RRAS2: variants seen among roughly 807,000 people sequenced by gnomAD.
RRAS2 encodes the protein ras-related protein R-Ras2.
A neutral mutation model predicts 27.6 loss-of-function variants in RRAS2; 7 were observed. The ratio of observed to expected loss-of-function variants is 0.25; its 90% CI spans 0.14 to 0.48. The LOEUF is 0.48. RRAS2 is among the 20% of genes least tolerant of loss of function. RRAS2 has a pLI of 0.99. For synonymous variants in RRAS2, 86 were observed against 90.9 expected (o/e 0.95, Z 0.31); for missense variants, 178 against 256.2 (o/e 0.69, Z 2.08).
At chr11:14,309,133 G>A (rs1847899541) in intron 1 of RRAS2, among the ~76,000 whole-genome samples, 1 of 152,098 alleles carries the variant, frequency 6.6e-6, no homozygotes, top group Non-Finnish European at 1.5e-5. Flanking sequence ...CCAGAGTCTA[G>A]ACTGTTACTT....
At chr11:14,342,458 T>C (rs1336841938) in intron 1 of RRAS2, among the ~76,000 whole-genome samples, 5 of 152,128 alleles carry the variant, frequency 3.3e-5, no homozygotes, top group Non-Finnish European at 4.4e-5. Flanking sequence ...GAAAATGAAA[T>C]AGTCATAATT....
intron 4 of RRAS2, among the ~76,000 whole-genome samples, chr11:14,294,028 A>T (rs1252358958): frequency 2.6e-5 from 4 of 152,212 alleles, no homozygotes; most frequent in African/African-American, 9.6e-5. Context: ...CATTAAAGTG[A>T]CTTAGAAAAA....
intron 3 of RRAS2, 81 bp from the exon 4 acceptor site, chr11:14,294,660 C>G: frequency 6.8e-7 from 1 of 1,468,016 alleles, no homozygotes. Context: ...CCAATTAGTA[C>G]TTTATTTTTC....
At chr11:14,355,398 C>A (rs1849051177) in intron 1 of RRAS2, among the ~76,000 whole-genome samples, 1 of 152,122 alleles carries the variant, frequency 6.6e-6, no homozygotes, top group Non-Finnish European at 1.5e-5. Context: ...GTTCTACCTA[C>A]CAACAGAACT....
At chr11:14,348,146 A>G (rs1038352407) in intron 1 of RRAS2, among the ~76,000 whole-genome samples, 1 of 152,146 alleles carries the variant, frequency 6.6e-6, no homozygotes, top group Non-Finnish European at 1.5e-5. Context: ...ATTTCATTCA[A>G]TGCCTCGCTG....
intron 1 of RRAS2, among the ~76,000 whole-genome samples, chr11:14,306,443 AG>A (rs1262385622): frequency 6.6e-6 from 1 of 152,160 alleles, no homozygotes; most frequent in East Asian, 1.9e-4. Context: ...CTGGGACTAC[AG>A]GCATGCATCA....
intron 1 of RRAS2, among the ~76,000 whole-genome samples, chr11:14,351,388 C>G (rs1848947633): frequency 6.6e-6 from 1 of 152,084 alleles, no homozygotes; most frequent in African/African-American, 2.4e-5. Context: ...AGTATAATAA[C>G]AAATCAATGT....
At chr11:14,325,489 G>T (rs372316398) in intron 1 of RRAS2, among the ~76,000 whole-genome samples, 1 of 152,070 alleles carries the variant, frequency 6.6e-6, no homozygotes, top group South Asian at 2.1e-4. Context: ...TTAGCAGAGA[G>T]GGGGTTTCAC....
intron 4 of RRAS2, among the ~76,000 whole-genome samples, chr11:14,293,144 TATATATA>T (rs1554946059): frequency 1.5e-5 from 2 of 132,872 alleles, no homozygotes; most frequent in African/African-American, 3.0e-5. Flanking sequence ...TATATATATA[TATATATA>T]TATATATATA....
chr11:14,329,900 T>A (rs1431375), intron 1 of RRAS2, among the ~76,000 whole-genome samples: 1 of 151,920 alleles, frequency 6.6e-6, no homozygotes. Context: ...TGAGACTTCA[T>A]CTCTATAAAT....
intron 1 of RRAS2, among the ~76,000 whole-genome samples, chr11:14,323,525 A>C (rs1373235902): frequency 6.6e-6 from 1 of 151,892 alleles, no homozygotes; most frequent in Non-Finnish European, 1.5e-5. Flanking sequence ...AAATAAAATA[A>C]ACTTCCCCCT....
chr11:14,287,098 T>C (rs1849680019), intron 4 of RRAS2, among the ~76,000 whole-genome samples: 1 of 152,226 alleles, frequency 6.6e-6, no homozygotes, highest in African/African-American at 2.4e-5. Context: ...CCCCTAAGTG[T>C]TGGTGCTGTT....
intron 1 of RRAS2, among the ~76,000 whole-genome samples, chr11:14,318,291 G>C (rs1278953761): frequency 1.3e-5 from 2 of 152,082 alleles, no homozygotes; most frequent in Non-Finnish European, 2.9e-5. Flanking sequence ...CTGAAGTCAG[G>C]GGTTCAAGAC....
intron 1 of RRAS2, among the ~76,000 whole-genome samples, chr11:14,309,946 G>A (rs1847922089): frequency 6.6e-6 from 1 of 152,180 alleles, no homozygotes; most frequent in Non-Finnish European, 1.5e-5. Flanking sequence ...TGGATTATAG[G>A]TCAAGGGTGA....
intron 1 of RRAS2, chr11:14,341,855 T>C (rs1363004930): frequency 4.4e-6 from 2 of 453,954 alleles, no homozygotes; most frequent in Non-Finnish European, 8.8e-6. Flanking sequence ...TTGAAGACTC[T>C]TGCATGCCTC....
At chr11:14,341,070 C>T (rs909863710) in intron 1 of RRAS2, among the ~76,000 whole-genome samples, 1 of 152,136 alleles carries the variant, frequency 6.6e-6, no homozygotes, top group Non-Finnish European at 1.5e-5. Flanking sequence ...TCCTGTCATA[C>T]GCAAAGCCAC....
chr11:14,340,739 C>CA (rs1249547276), intron 1 of RRAS2, among the ~76,000 whole-genome samples: 1 of 152,074 alleles, frequency 6.6e-6, no homozygotes, highest in Non-Finnish European at 1.5e-5. Flanking sequence ...AGGTAATTCC[C>CA]AAAAAGGATA....
intron 1 of RRAS2, among the ~76,000 whole-genome samples, chr11:14,314,742 T>G (rs1398399580): frequency 6.6e-6 from 1 of 152,188 alleles, no homozygotes; most frequent in African/African-American, 2.4e-5. Flanking sequence ...CATGCTGGAG[T>G]GCAGTGGTGC....
chr11:14,285,656 GA>G (rs1415502389), intron 4 of RRAS2, among the ~76,000 whole-genome samples: 2 of 152,102 alleles, frequency 1.3e-5, no homozygotes, highest in South Asian at 2.1e-4. Context: ...ACATGTCTGG[GA>G]AAAGTCTTTA....
Sources: allele counts gnomAD v4.1 joint callset (sites outside exome capture counted in the v4.1 genomes callset), GRCh38; gene constraint gnomAD v4.1.1; transcripts MANE v1.5; gene names NCBI Gene and HGNC (gene_info 2026-07-23, HGNC 2026-07-21).